ASIC2: variants seen among roughly 807,000 people sequenced by gnomAD.
The protein encoded by ASIC2 is acid-sensing ion channel 2.
A neutral mutation model predicts 57.3 loss-of-function variants in ASIC2; 25 were observed. That is an observed-to-expected ratio of 0.44 (90% CI 0.32 to 0.61). ASIC2 has a LOEUF of 0.61. ASIC2 is among the 20% of genes least tolerant of loss of function. The pLI is 0.06. For missense variants in ASIC2, 641 were observed against 738.1 expected (o/e 0.87, Z 1.52); for synonymous variants, 319 against 307.5 (o/e 1.04, Z -0.39).
At chr17:33,702,887 G>A (rs1043504374) in intron 1 of ASIC2, among the ~76,000 whole-genome samples, 6 of 152,186 alleles carry the variant, frequency 3.9e-5, no homozygotes, top group Non-Finnish European at 1.5e-5. Flanking sequence ...CCAGGAACTA[G>A]GGGCATTAGG....
At chr17:33,038,116 A>G (rs1431167619) in intron 3 of ASIC2, among the ~76,000 whole-genome samples, 2 of 152,224 alleles carry the variant, frequency 1.3e-5, no homozygotes, top group African/African-American at 4.8e-5. Flanking sequence ...GGTAAGCTAC[A>G]CAGCCCCATC....
intron 1 of ASIC2, among the ~76,000 whole-genome samples, chr17:33,357,533 C>G (rs1343905802): frequency 2.0e-5 from 3 of 152,176 alleles, no homozygotes; most frequent in African/African-American, 4.8e-5. Context: ...GGGCACCCAG[C>G]TAGACCACCT....
At chr17:33,659,915 T>A (rs138465975) in intron 1 of ASIC2, among the ~76,000 whole-genome samples, 3 of 123,588 alleles carry the variant, frequency 2.4e-5, no homozygotes, top group South Asian at 2.6e-4. Context: ...AATAAATAAA[T>A]AAAATAAAAA....
intron 2 of ASIC2, among the ~76,000 whole-genome samples, chr17:33,090,426 C>T (rs927494844): frequency 4.3e-4 from 65 of 152,208 alleles, no homozygotes; most frequent in African/African-American, 1.4e-3. Flanking sequence ...ACCAGGCACT[C>T]AGGAGATGCC....
intron 1 of ASIC2, among the ~76,000 whole-genome samples, chr17:33,778,913 T>G (rs547732365): frequency 6.6e-6 from 1 of 152,288 alleles, no homozygotes; most frequent in African/African-American, 2.4e-5. Flanking sequence ...GTATTCTAAC[T>G]TATGCTATGT....
chr17:33,787,545 C>G (rs1417357977), intron 1 of ASIC2, among the ~76,000 whole-genome samples: 1 of 152,134 alleles, frequency 6.6e-6, no homozygotes, highest in Non-Finnish European at 1.5e-5. Context: ...TTTTGAGCCT[C>G]TAGAAGGTAT....
intron 1 of ASIC2, among the ~76,000 whole-genome samples, chr17:34,063,321 C>A (rs977610158): frequency 6.6e-6 from 1 of 152,122 alleles, no homozygotes; most frequent in Non-Finnish European, 1.5e-5. Context: ...ATCCAGCATC[C>A]TTTATGATTA....
At chr17:33,148,007 A>G (rs1204683852) in intron 1 of ASIC2, among the ~76,000 whole-genome samples, 2 of 152,226 alleles carry the variant, frequency 1.3e-5, no homozygotes, top group Non-Finnish European at 2.9e-5. Flanking sequence ...CAGATGCAGG[A>G]AGTGAGGCCT....
chr17:33,431,512 C>T (rs181656542), intron 1 of ASIC2, among the ~76,000 whole-genome samples: 60 of 152,114 alleles, frequency 3.9e-4, no homozygotes, highest in Non-Finnish European at 6.9e-4. Flanking sequence ...GGCTGAGGCA[C>T]GAGAATCACT....
Position 33,095,386 on chromosome 17 carries a change from T to C in ASIC2, c.860-6396A>G, listed in dbSNP as rs1487178239. 5.3e-5 allele frequency among the ~76,000 whole-genome samples: 8 copies of C among 152,196 alleles called. No homozygotes were observed. In the South Asian group the frequency reaches 1.7e-3, roughly 32 times the overall value. ...GTTCACACTTGATCCCAACTCCCTCTCTGTTAAGACTGAGAGATCTCTTGG... is the reference window on the plus strand; with the variant it reads ...GTTCACACTTGATCCCAACTCCCTCCCTGTTAAGACTGAGAGATCTCTTGG... On this transcript the variant is annotated intron_variant, in intron 2 of 9. Coordinates refer to ENST00000225823, the MANE Select transcript of ASIC2 (RefSeq NM_183377.2).
chr17:34,075,647 C>T (rs1185003509), intron 1 of ASIC2, among the ~76,000 whole-genome samples: 1 of 151,966 alleles, frequency 6.6e-6, no homozygotes, highest in East Asian at 1.9e-4. Context: ...CAATCTAGCC[C>T]CCATCACCAT....
At chr17:33,748,398 T>G (rs966459924) in intron 1 of ASIC2, among the ~76,000 whole-genome samples, 1 of 152,236 alleles carries the variant, frequency 6.6e-6, no homozygotes, top group Non-Finnish European at 1.5e-5. Context: ...TGGAAACTCC[T>G]TTGGCCTCAG....
Position 33,407,054 on chromosome 17 carries a change from A to C in ASIC2, c.556-294987T>G, listed in dbSNP as rs115829987. Among the ~76,000 whole-genome samples, 1,113 of 152,316 alleles carry C rather than the reference A, an allele frequency of 7.3e-3. 19 individuals are homozygous for C. The highest frequency in any genetic ancestry group is 0.025 in the African/African-American group (1,051 of 41,560). ...CTACCATTTTCTAGCCATGTAATTT[A>C]GTTATTTAGTTTCTCTGAGTCTTAA... On this transcript the variant is annotated intron_variant, in intron 1 of 9. Coordinates refer to the ASIC2 transcript ENST00000359872.
At chr17:33,555,088 T>A (rs896541284) in intron 1 of ASIC2, among the ~76,000 whole-genome samples, 5 of 152,172 alleles carry the variant, frequency 3.3e-5, no homozygotes, top group Non-Finnish European at 5.9e-5. Context: ...TCTCAAATGC[T>A]CATCCTCTCC....
intron 1 of ASIC2, among the ~76,000 whole-genome samples, chr17:34,075,258 T>G (rs528170988): frequency 1.3e-5 from 2 of 152,142 alleles, no homozygotes; most frequent in Admixed American, 1.3e-4. Context: ...CAAGCTCTGA[T>G]GCAGACTCCC....
At chr17:33,185,188 A>G (rs1201203802) in intron 1 of ASIC2, among the ~76,000 whole-genome samples, 5 of 152,222 alleles carry the variant, frequency 3.3e-5, no homozygotes, top group African/African-American at 7.2e-5. Context: ...ATTTTAAAAT[A>G]TCCCTTTCTT....
intron 1 of ASIC2, among the ~76,000 whole-genome samples, chr17:33,223,455 T>C (rs962085323): frequency 1.3e-5 from 2 of 152,192 alleles, no homozygotes; most frequent in African/African-American, 4.8e-5. Context: ...AGTGCTGGGA[T>C]TACAGGCGTG....
chr17:33,989,744 T>C (rs1905944799), intron 1 of ASIC2, among the ~76,000 whole-genome samples: 1 of 152,194 alleles, frequency 6.6e-6, no homozygotes, highest in Non-Finnish European at 1.5e-5. Flanking sequence ...CTTAATTTTG[T>C]ACAAGGTGTC....
intron 1 of ASIC2, chr17:33,541,205 T>C (rs1915399318): frequency 6.6e-6 from 1 of 152,192 alleles, no homozygotes; most frequent in Non-Finnish European, 1.5e-5. Flanking sequence ...TTGTTAGAGC[T>C]TGTAAAAGTT....
Sources: allele counts gnomAD v4.1 joint callset (sites outside exome capture counted in the v4.1 genomes callset), GRCh38; gene constraint gnomAD v4.1.1; transcripts MANE v1.5; gene names NCBI Gene and HGNC (gene_info 2026-07-23, HGNC 2026-07-21).